FOXN3: variants seen among roughly 807,000 people sequenced by gnomAD.
FOXN3 encodes the protein forkhead box N3, also known as forkhead box protein N3.
FOXN3 carries 7 observed loss-of-function variants against 38.4 expected under a neutral mutation model. The observed-to-expected ratio is 0.18, with a 90% CI of 0.10 to 0.34. FOXN3 has a LOEUF of 0.34. FOXN3 is among the 10% of genes least tolerant of loss of function. FOXN3 has a pLI of 1.00. For missense variants in FOXN3, 456 were observed against 613.4 expected, an observed-to-expected ratio of 0.74 and a Z score of 2.71; for synonymous variants, 230 against 242.2, an observed-to-expected ratio of 0.95 and a Z score of 0.47.
chr14:89,516,540 G>A (rs1056383089), intron 1 of FOXN3, among the ~76,000 whole-genome samples: 17 of 149,152 alleles, frequency 1.1e-4, no homozygotes, highest in Admixed American at 8.9e-4. Context: ...GCTAGGCACC[G>A]TGTTTCAGGC....
chr14:89,402,796 GCTC>G, intron 2 of FOXN3, among the ~76,000 whole-genome samples: 1 of 152,320 alleles, frequency 6.6e-6, no homozygotes, highest in Non-Finnish European at 1.5e-5. Context: ...TCTCTGTCTA[GCTC>G]CTCAAGACTT....
chr14:89,453,602 C>T (rs865961595), intron 1 of FOXN3, among the ~76,000 whole-genome samples: 11 of 147,822 alleles, frequency 7.4e-5, no homozygotes, highest in South Asian at 4.3e-4. Flanking sequence ...TTCAAAATTT[C>T]CTATGTACCC....
At chr14:89,599,631 T>C (rs561545700) in intron 1 of FOXN3, among the ~76,000 whole-genome samples, 8 of 152,306 alleles carry the variant, frequency 5.3e-5, no homozygotes, top group Admixed American at 3.3e-4. Flanking sequence ...CTGACAGATA[T>C]AGTACATGAA....
At chr14:89,424,647 G>A (rs901073053) in intron 1 of FOXN3, among the ~76,000 whole-genome samples, 4 of 151,606 alleles carry the variant, frequency 2.6e-5, no homozygotes, top group African/African-American at 9.7e-5. Context: ...GGAGGTCGAG[G>A]CTGGGGATTG....
intron 3 of FOXN3, among the ~76,000 whole-genome samples, chr14:89,319,860 T>C (rs941813736): frequency 2.0e-5 from 3 of 152,218 alleles, no homozygotes; most frequent in African/African-American, 4.8e-5. Context: ...CATATTTGAA[T>C]ATAACATCAA....
Position 89,440,985 on chromosome 14 carries a change from GA to G in FOXN3, c.-14-28496del, listed in dbSNP as rs962121692. Reference sequence around the variant, plus strand: ...TGGGTTCACGTGTCCAAGCCATGAAGAGGGGCTGGATGCTGACCTCTTTAGG... The same window carrying G: ...TGGGTTCACGTGTCCAAGCCATGAAGGGGGCTGGATGCTGACCTCTTTAGG... On this transcript the variant is annotated intron_variant, in intron 1 of 6. Transcript: ENST00000345097. Among the ~76,000 whole-genome samples the G allele has an allele frequency of 5.3e-5, 8 of 152,296 alleles. No individual in the cohort carries two copies. The East Asian group carries it at 7.7e-4, about 15-fold the overall frequency.
chr14:89,452,722 A>C (rs1463973317), intron 1 of FOXN3, among the ~76,000 whole-genome samples: 2 of 152,220 alleles, frequency 1.3e-5, no homozygotes, highest in Non-Finnish European at 2.9e-5. Context: ...GGTCCAGAGA[A>C]GAAATCAGCC....
intron 4 of FOXN3, among the ~76,000 whole-genome samples, chr14:89,262,945 CT>C (rs1409932375): frequency 1.3e-5 from 2 of 152,150 alleles, no homozygotes; most frequent in Non-Finnish European, 2.9e-5. Flanking sequence ...CTCTAAGGTA[CT>C]GGTATAATTA....
At chr14:89,383,029 GTTTT>G (rs57032907) in intron 2 of FOXN3, among the ~76,000 whole-genome samples, 164 of 92,560 alleles carry the variant, frequency 1.8e-3, no homozygotes, top group African/African-American at 6.2e-3. Flanking sequence ...TTTGGGTGGT[GTTTT>G]TTTTTTTTTT....
intron 3 of FOXN3, among the ~76,000 whole-genome samples, chr14:89,303,512 A>C (rs535024245): frequency 1.0e-3 from 159 of 151,460 alleles, no homozygotes; most frequent in African/African-American, 3.6e-3. Context: ...AAAAAAACAA[A>C]AAAAAAACTA....
intron 4 of FOXN3, among the ~76,000 whole-genome samples, chr14:89,269,475 GT>G (rs1886080953): frequency 6.7e-6 from 1 of 148,824 alleles, no homozygotes; most frequent in African/African-American, 2.5e-5. Flanking sequence ...CTTGCTTTTT[GT>G]TTTGTTTTGT....
intron 3 of FOXN3, chr14:89,284,312 CT>C: frequency 2.8e-6 from 1 of 360,838 alleles, no homozygotes; most frequent in Non-Finnish European, 5.5e-6. Context: ...GCCCGGCCAC[CT>C]TCCCCGTTCT....
At chr14:89,540,626 C>A (rs1356544620) in intron 1 of FOXN3, among the ~76,000 whole-genome samples, 1 of 151,602 alleles carries the variant, frequency 6.6e-6, no homozygotes, top group East Asian at 1.9e-4. Flanking sequence ...GTGGTCCCAG[C>A]TACTTGGGAG....
chr14:89,403,248 C>G (rs1370571802), intron 2 of FOXN3, among the ~76,000 whole-genome samples: 4 of 152,182 alleles, frequency 2.6e-5, no homozygotes, highest in African/African-American at 7.2e-5. Context: ...GTCGCCCAGG[C>G]TGGAATGCAG....
At chr14:89,231,004 CT>C in intron 4 of FOXN3, 1 of 361,344 alleles carries the variant, frequency 2.8e-6, no homozygotes, top group South Asian at 2.0e-5. Context: ...AACATCAGGA[CT>C]TGAGGTTGAT....
At chr14:89,211,737 A>T (rs1744547658) in intron 4 of FOXN3, among the ~76,000 whole-genome samples, 1 of 152,228 alleles carries the variant, frequency 6.6e-6, no homozygotes, top group Non-Finnish European at 1.5e-5. Context: ...GAGAGCATCA[A>T]CAGAACAGAA....
intron 1 of FOXN3, among the ~76,000 whole-genome samples, chr14:89,462,428 A>C (rs927926207): frequency 1.3e-5 from 2 of 152,226 alleles, no homozygotes; most frequent in African/African-American, 4.8e-5. Context: ...AATAGGAAAC[A>C]CTTAGAGTGT....
At chr14:89,615,185 C>T (rs895681657) in intron 1 of FOXN3, among the ~76,000 whole-genome samples, 1 of 129,756 alleles carries the variant, frequency 7.7e-6, no homozygotes, top group African/African-American at 2.9e-5. Context: ...CTTTATGGAC[C>T]TTTTGTTATA....
In FOXN3 at chr14:89,350,440, T is replaced by C; in HGVS notation, c.680+232A>G. On this transcript the variant is annotated intron_variant, in intron 3 of 5. Transcript: ENST00000557258. ...AATGTTTCTACCCAGGAAGACATGATTTCACCCACCATGAAGCCTTCTGGA... is the reference window on the plus strand; with the variant it reads ...AATGTTTCTACCCAGGAAGACATGACTTCACCCACCATGAAGCCTTCTGGA... 4 of 368,294 alleles carry C rather than the reference T, an allele frequency of 1.1e-5. No individual in the cohort carries two copies. In the East Asian group the frequency reaches 1.6e-4, roughly 15 times the overall value. 22.8% of individuals were successfully genotyped at this position (368,294 alleles called of 1,614,324 possible). A position where few individuals can be genotyped will look rare whatever the true frequency, so the allele number is the denominator to read the frequency against.
Sources: allele counts gnomAD v4.1 joint callset (sites outside exome capture counted in the v4.1 genomes callset), GRCh38; gene constraint gnomAD v4.1.1; transcripts MANE v1.5; gene names NCBI Gene and HGNC (gene_info 2026-07-23, HGNC 2026-07-21).